CNTNAP5: variants seen among roughly 807,000 people sequenced by gnomAD.
CNTNAP5 encodes the protein contactin associated protein family member 5, also known as contactin-associated protein-like 5.
A neutral mutation model predicts 150.2 loss-of-function variants in CNTNAP5; 72 were observed. That is an observed-to-expected ratio of 0.48 (90% CI 0.40 to 0.58). The LOEUF (loss-of-function observed/expected upper bound fraction) is 0.58, where lower values mean the gene tolerates loss of function less well. Among genes scored for constraint, CNTNAP5 ranks in the 20% least tolerant of loss-of-function variants. CNTNAP5 has a pLI of 0.00. For missense variants in CNTNAP5, 1,636 were observed against 1,626.2 expected, an observed-to-expected ratio of 1.01 and a Z score of -0.10; for synonymous variants, 672 against 619.8, an observed-to-expected ratio of 1.08 and a Z score of -1.25.
intron 17 of CNTNAP5, among the ~76,000 whole-genome samples, chr2:124,784,006 A>G (rs1049947682): frequency 1.3e-5 from 2 of 152,188 alleles, no homozygotes; most frequent in African/African-American, 4.8e-5. Context: ...TAGTTAGTGT[A>G]CTTGTTTTTA....
chr2:124,518,500 T>C (rs1256100174), intron 8 of CNTNAP5, among the ~76,000 whole-genome samples: 1 of 152,178 alleles, frequency 6.6e-6, no homozygotes, highest in African/African-American at 2.4e-5. Context: ...GTAGCCACTT[T>C]GGAAAAATTC....
At chr2:124,866,201 A>G (rs1454515657) in intron 20 of CNTNAP5, among the ~76,000 whole-genome samples, 5 of 152,160 alleles carry the variant, frequency 3.3e-5, no homozygotes, top group Non-Finnish European at 7.3e-5. Context: ...CGGAGGTTGC[A>G]GTGAGCAGAG....
intron 3 of CNTNAP5, among the ~76,000 whole-genome samples, chr2:124,247,852 T>C (rs575449184): frequency 6.6e-6 from 1 of 152,302 alleles, no homozygotes; most frequent in African/African-American, 2.4e-5. Flanking sequence ...CACTTCTCTG[T>C]TTTAATTTTT....
At chr2:124,791,725 C>T (rs1681738704) in intron 18 of CNTNAP5, among the ~76,000 whole-genome samples, 1 of 145,842 alleles carries the variant, frequency 6.9e-6, no homozygotes, top group Non-Finnish European at 1.5e-5. Context: ...CTCCTTTCTC[C>T]AAAACCATTC....
intron 16 of CNTNAP5, among the ~76,000 whole-genome samples, chr2:124,764,907 G>A (rs1681034952): frequency 6.6e-6 from 1 of 152,050 alleles, no homozygotes; most frequent in Non-Finnish European, 1.5e-5. Context: ...TGCGATCATA[G>A]TAACATTAAA....
chr2:124,025,335 T>C lies in CNTNAP5; in HGVS notation c.-316T>C. On this transcript the variant is annotated 5_prime_UTR_variant, in exon 1 of 24. Coordinates refer to ENST00000682447, the MANE Select transcript of CNTNAP5 (RefSeq NM_001367498.1). ...AGGTGGATTTGGCTGTCCACCGAGC[T>C]CCGGCGCCTGTCGTTCTAATTGGGT... The C allele has an allele frequency of 6.1e-6, 2 of 326,954 alleles. No homozygotes were observed. The highest frequency in any genetic ancestry group is 1.2e-5 in the Non-Finnish European group (2 of 169,514). The allele number at this position is 326,954 out of a possible 1,614,324, so 20.3% of individuals were successfully genotyped here.
chr2:124,685,895 CT>C (rs1043510927), intron 13 of CNTNAP5, among the ~76,000 whole-genome samples: 3 of 151,804 alleles, frequency 2.0e-5, no homozygotes, highest in African/African-American at 7.3e-5. Flanking sequence ...ATTTTTTTTG[CT>C]GTTTTTTCCC....
intron 1 of CNTNAP5, among the ~76,000 whole-genome samples, chr2:124,170,760 G>T (rs573559976): frequency 6.6e-6 from 1 of 152,052 alleles, no homozygotes; most frequent in Non-Finnish European, 1.5e-5. Flanking sequence ...AAAATGATTG[G>T]TGAAAAGAGA....
chr2:124,209,295 C>T (rs1359369454), intron 1 of CNTNAP5, among the ~76,000 whole-genome samples: 1 of 152,138 alleles, frequency 6.6e-6, no homozygotes, highest in Non-Finnish European at 1.5e-5. Flanking sequence ...GATGCGTTGC[C>T]TACCCAGTTA....
At position 124,649,285 on chromosome 2, in the gene CNTNAP5, A is replaced by C. The variant is rs142859750; in HGVS notation, c.2077+1327A>C. ...ACTGGTTCGTGTCCCTTTACCCAGC[A>C]TCCTCAGAGGGTGCTGCCCTGCCAG... On this transcript the variant is annotated intron_variant, in intron 13 of 23. Transcript: ENST00000682447. 2.6e-3 allele frequency among the ~76,000 whole-genome samples: 390 copies of C among 152,158 alleles called. 4 individuals carry two copies. Among genetic ancestry groups the C allele is most frequent in the African/African-American group, 9.2e-3 (380 of 41,504 alleles).
chr2:124,248,428 C>T (rs145294988), intron 3 of CNTNAP5, among the ~76,000 whole-genome samples: 7 of 152,304 alleles, frequency 4.6e-5, no homozygotes, highest in African/African-American at 1.2e-4. Context: ...CTTGAATAAT[C>T]CCAGTGGTTC....
At chr2:124,590,263 C>G (rs6744819) in intron 11 of CNTNAP5, among the ~76,000 whole-genome samples, 3 of 152,090 alleles carry the variant, frequency 2.0e-5, no homozygotes, top group Non-Finnish European at 4.4e-5. Context: ...CTGTTATGGC[C>G]GCACCTGCAC....
chr2:124,132,180 A>T (rs927222818), intron 1 of CNTNAP5, among the ~76,000 whole-genome samples: 4 of 152,080 alleles, frequency 2.6e-5, no homozygotes, highest in African/African-American at 9.7e-5. Context: ...ACTACACTTG[A>T]GTGGAAAGGT....
At chr2:124,732,485 A>T (rs953576423) in intron 13 of CNTNAP5, among the ~76,000 whole-genome samples, 1 of 152,098 alleles carries the variant, frequency 6.6e-6, no homozygotes, top group Non-Finnish European at 1.5e-5. Context: ...AACAGGCCCA[A>T]GGGAGACCCT....
At chr2:124,843,595 A>G (rs901496551) in intron 19 of CNTNAP5, among the ~76,000 whole-genome samples, 5 of 152,126 alleles carry the variant, frequency 3.3e-5, no homozygotes, top group African/African-American at 1.2e-4. Flanking sequence ...ATTGTTTTTC[A>G]TAGCGGTTGC....
At chr2:124,742,238 CT>C (rs1281657849) in intron 13 of CNTNAP5, among the ~76,000 whole-genome samples, 1 of 152,098 alleles carries the variant, frequency 6.6e-6, no homozygotes, top group African/African-American at 2.4e-5. Context: ...GTTTTGCAAA[CT>C]TTTTTCTTTT....
chr2:124,890,245 T>C (rs1678167162), intron 21 of CNTNAP5, among the ~76,000 whole-genome samples: 1 of 152,124 alleles, frequency 6.6e-6, no homozygotes, highest in Non-Finnish European at 1.5e-5. Flanking sequence ...TCTCTGGTCA[T>C]AGAAGCTTGT....
intron 1 of CNTNAP5, among the ~76,000 whole-genome samples, chr2:124,136,558 T>A (rs1271396855): frequency 6.6e-6 from 1 of 152,188 alleles, no homozygotes; most frequent in Non-Finnish European, 1.5e-5. Flanking sequence ...ATATTGAGCA[T>A]CTCATGTAAT....
At chr2:124,652,249 C>T (rs1220625336) in intron 13 of CNTNAP5, among the ~76,000 whole-genome samples, 1 of 152,166 alleles carries the variant, frequency 6.6e-6, no homozygotes, top group Non-Finnish European at 1.5e-5. Context: ...TTTGTCTTTC[C>T]CCTCACTCTG....
Sources: gnomAD v4.1 joint callset for allele counts (sites outside exome capture counted in the v4.1 genomes callset) on GRCh38, gnomAD v4.1.1 for gene constraint, MANE v1.5 for transcripts, NCBI Gene and HGNC (gene_info 2026-07-23, HGNC 2026-07-21) for gene names.